The following WASF3 variants were observed in gnomAD, a reference collection of about 807,000 sequenced individuals.
WASF3 encodes the protein WASP family member 3.
Under a neutral mutation model 46.6 loss-of-function variants are expected in WASF3, and 11 were observed. The observed-to-expected ratio is 0.24, with a 90% CI of 0.15 to 0.39. The LOEUF (loss-of-function observed/expected upper bound fraction) is 0.39. Among genes scored for constraint, WASF3 ranks in the 10% least tolerant of loss-of-function variants. WASF3 has a pLI of 1.00. For missense variants in WASF3, 576 were observed against 669.8 expected (o/e 0.86, Z 1.55); for synonymous variants, 242 against 259.7 (o/e 0.93, Z 0.65).
At chr13:26,607,264 A>G (rs752348529) in intron 1 of WASF3, among the ~76,000 whole-genome samples, 1 of 152,140 alleles carries the variant, frequency 6.6e-6, no homozygotes, top group Non-Finnish European at 1.5e-5. Context: ...TTATATTTCT[A>G]ATGCCTAATA....
At position 26,688,305 on chromosome 13, in the gene WASF3, C is replaced by CA. The variant is rs1045382764; in HGVS notation, c.*2464dup. 4 of 152,128 alleles carry CA rather than the reference C, an allele frequency of 2.6e-5. No homozygotes were observed. Among genetic ancestry groups the CA allele is most frequent in the African/African-American group, 9.7e-5 (4 of 41,430 alleles). 9.4% of individuals were successfully genotyped at this position (152,128 alleles called of 1,614,324 possible). On this transcript the variant is annotated 3_prime_UTR_variant, in exon 10 of 10. Transcript: ENST00000335327. ...CCAAAACAAATGGAGAAGAAACATCCAAAAGCACATTTCATTTCTCCAAAC... is the reference window on the plus strand; with the variant it reads ...CCAAAACAAATGGAGAAGAAACATCCAAAAAGCACATTTCATTTCTCCAAAC...
intron 1 of WASF3, among the ~76,000 whole-genome samples, chr13:26,600,240 TAAAAG>T (rs1028626841): frequency 9.9e-5 from 15 of 152,202 alleles, no homozygotes; most frequent in Middle Eastern, 3.2e-3. Context: ...TCATTTCAAA[TAAAAG>T]AAGAGAAGGC....
chr13:26,591,087 TG>T (rs1225526361), intron 1 of WASF3, among the ~76,000 whole-genome samples: 1 of 151,218 alleles, frequency 6.6e-6, no homozygotes, highest in Non-Finnish European at 1.5e-5. Flanking sequence ...GCAAAGGTCT[TG>T]GTGGGCTGCT....
At chr13:26,654,232 A>G (rs1006411009) in intron 3 of WASF3, among the ~76,000 whole-genome samples, 5 of 151,982 alleles carry the variant, frequency 3.3e-5, no homozygotes, top group Non-Finnish European at 7.4e-5. Context: ...CTTTAGCCAC[A>G]CTGGCTTCCT....
intron 2 of WASF3, chr13:26,618,898 A>C (rs1425450843): frequency 6.6e-6 from 1 of 152,182 alleles, no homozygotes; most frequent in Non-Finnish European, 1.5e-5. Context: ...CTCCAACCAC[A>C]CATCTCGTGG....
At chr13:26,611,108 G>T (rs1355768858) in intron 1 of WASF3, among the ~76,000 whole-genome samples, 1 of 144,664 alleles carries the variant, frequency 6.9e-6, no homozygotes, top group African/African-American at 2.6e-5. Context: ...CTGGGCTCGT[G>T]ATCTGCCTGC....
Position 26,578,993 on chromosome 13 carries a change from C to CTTTTTTTTTTTTTTTTTTTTTT in WASF3, c.-109+21176_-109+21197dup, listed in dbSNP as rs200299739. 1.4e-3 allele frequency among the ~76,000 whole-genome samples: 87 copies of CTTTTTTTTTTTTTTTTTTTTTT among 60,626 alleles called. 18 individuals are homozygous for CTTTTTTTTTTTTTTTTTTTTTT. Among genetic ancestry groups the CTTTTTTTTTTTTTTTTTTTTTT allele is most frequent in the African/African-American group, 2.7e-3 (35 of 13,030 alleles). 39.8% of individuals were successfully genotyped at this position (60,626 alleles called of 152,430 possible). ...ACCTTATATTCTTGGGATACATTTC[C>CTTTTTTTTTTTTTTTTTTTTTT]TTTTTTTTTTTTTTTTTTTTTTTGT... is the stretch of plus-strand genomic sequence containing the variant. On this transcript the variant is annotated intron_variant, in intron 1 of 9. Transcript: ENST00000335327.
intron 5 of WASF3, among the ~76,000 whole-genome samples, chr13:26,670,456 A>G (rs550757487): frequency 3.3e-5 from 5 of 152,256 alleles, no homozygotes; most frequent in African/African-American, 1.2e-4. Flanking sequence ...TAACAAACCT[A>G]CATGTTCTAA....
intron 2 of WASF3, among the ~76,000 whole-genome samples, chr13:26,634,224 C>T (rs949671927): frequency 3.9e-5 from 6 of 152,142 alleles, no homozygotes; most frequent in African/African-American, 1.4e-4. Flanking sequence ...TTGAAGTGAT[C>T]CCTTTACCAT....
intron 2 of WASF3, among the ~76,000 whole-genome samples, chr13:26,634,324 CT>C (rs1881749820): frequency 5.9e-5 from 9 of 152,104 alleles, no homozygotes; most frequent in Admixed American, 5.9e-4. Flanking sequence ...GTTTTCTTTG[CT>C]TTCCATTTGC....
At chr13:26,650,563 A>T (rs1882283969) in intron 3 of WASF3, among the ~76,000 whole-genome samples, 1 of 152,242 alleles carries the variant, frequency 6.6e-6, no homozygotes, top group South Asian at 2.1e-4. Context: ...GGAAAAGTAG[A>T]TAACATGCAG....
chr13:26,607,324 C>T (rs1566048982), intron 1 of WASF3, among the ~76,000 whole-genome samples: 1 of 152,104 alleles, frequency 6.6e-6, no homozygotes. Context: ...AAATAAAGAT[C>T]TAATTGGCTT....
intron 1 of WASF3, chr13:26,577,766 G>T: frequency 3.1e-6 from 2 of 647,432 alleles, no homozygotes; most frequent in Admixed American, 2.8e-5. Context: ...GGTACAATCT[G>T]CAGACCTTAT....
chr13:26,645,619 G>A (rs59155744), intron 3 of WASF3, among the ~76,000 whole-genome samples: 8,015 of 152,036 alleles, frequency 0.053, 738 homozygotes, highest in African/African-American at 0.18. Context: ...TATGGGAGTA[G>A]ACATTCTCTG....
intron 1 of WASF3, among the ~76,000 whole-genome samples, chr13:26,600,952 T>C (rs1177419277): frequency 2.0e-5 from 3 of 152,210 alleles, no homozygotes; most frequent in Admixed American, 6.5e-5. Flanking sequence ...AATTTGGTTC[T>C]CTTAGGTTGA....
chr13:26,662,111 C>A (rs547649757), intron 3 of WASF3, among the ~76,000 whole-genome samples: 4 of 152,212 alleles, frequency 2.6e-5, no homozygotes, highest in African/African-American at 9.6e-5. Flanking sequence ...GAGGTGCGGC[C>A]AGTTAGAAAG....
At chr13:26,581,485 G>A (rs531276521) in intron 1 of WASF3, among the ~76,000 whole-genome samples, 16 of 151,484 alleles carry the variant, frequency 1.1e-4, no homozygotes, top group Non-Finnish European at 1.6e-4. Context: ...ATCCAGAAAA[G>A]TTTGAGTTGA....
intron 1 of WASF3, among the ~76,000 whole-genome samples, chr13:26,564,609 G>A (rs370018630): frequency 7.2e-5 from 11 of 152,250 alleles, no homozygotes; most frequent in African/African-American, 2.4e-4. Context: ...GAGAAGCTCC[G>A]TGAAATTATA....
chr13:26,605,269 G>A (rs949752300), intron 1 of WASF3, among the ~76,000 whole-genome samples: 1 of 152,214 alleles, frequency 6.6e-6, no homozygotes, highest in African/African-American at 2.4e-5. Flanking sequence ...CTTTGCTCAA[G>A]CTGGAAGCCT....
Sources: allele counts gnomAD v4.1 joint callset (sites outside exome capture counted in the v4.1 genomes callset), GRCh38; gene constraint gnomAD v4.1.1; transcripts MANE v1.5; gene names NCBI Gene and HGNC (gene_info 2026-07-23, HGNC 2026-07-21).